Variants in WRN observed in about 807,000 individuals in gnomAD.
WRN encodes bifunctional 3'-5' exonuclease/ATP-dependent helicase WRN.
In WRN, 149 loss-of-function variants were observed where a neutral mutation model predicts 180.7. The observed-to-expected ratio is 0.82, with a 90% confidence interval of 0.72 to 0.94. The LOEUF (loss-of-function observed/expected upper bound fraction) is 0.94, where lower values mean the gene tolerates loss of function less well. Among genes scored for constraint, WRN ranks in the 40% least tolerant of loss-of-function variants. The pLI, the probability that WRN is intolerant of heterozygous loss-of-function variation, is 0.00. For missense variants in WRN, 1,661 were observed against 1,700.1 expected, an observed-to-expected ratio of 0.98 and a Z score of 0.40; for synonymous variants, 548 against 568.9, an observed-to-expected ratio of 0.96 and a Z score of 0.52.
chr8:31,043,078 G>A (rs2129925081), intron 1 of WRN, among the ~76,000 whole-genome samples: 1 of 152,294 alleles, frequency 6.6e-6, no homozygotes, highest in East Asian at 1.9e-4. Context: ...AGACATCTGA[G>A]GTAGAGTGGC....
At chr8:31,047,740 C>T (rs1172506562) in intron 1 of WRN, among the ~76,000 whole-genome samples, 1 of 152,166 alleles carries the variant, frequency 6.6e-6, no homozygotes, top group Non-Finnish European at 1.5e-5. Flanking sequence ...TTTAAATTGA[C>T]TTACTTGAAA....
intron 29 of WRN, 44 bp from the exon 30 acceptor site, chr8:31,147,320 T>C: frequency 1.9e-6 from 3 of 1,584,080 alleles, no homozygotes; most frequent in Non-Finnish European, 2.6e-6. Flanking sequence ...ACTAGATCTT[T>C]TAAGTACACT....
intron 21 of WRN, among the ~76,000 whole-genome samples, chr8:31,121,625 A>G (rs573194651): frequency 6.6e-6 from 1 of 152,098 alleles, no homozygotes; most frequent in Non-Finnish European, 1.5e-5. Flanking sequence ...AATTGCACTG[A>G]GTAGTAAGAA....
At chr8:31,145,415 G>GAC (rs1382423452) in intron 28 of WRN, among the ~76,000 whole-genome samples, 1 of 152,136 alleles carries the variant, frequency 6.6e-6, no homozygotes, top group East Asian at 1.9e-4. Context: ...ACAAAGTCTT[G>GAC]ATGATACCTG....
intron 30 of WRN, among the ~76,000 whole-genome samples, chr8:31,148,159 T>C (rs1802941968): frequency 6.6e-6 from 1 of 152,188 alleles, no homozygotes; most frequent in Non-Finnish European, 1.5e-5. Flanking sequence ...GTTCTGGCAC[T>C]ACAGGTGTGA....
intron 3 of WRN, among the ~76,000 whole-genome samples, chr8:31,063,623 A>G (rs897215568): frequency 1.3e-5 from 2 of 152,218 alleles, no homozygotes; most frequent in Non-Finnish European, 2.9e-5. Flanking sequence ...ATTTTTACCA[A>G]TCAGATAGAT....
chr8:31,109,965 T>G (rs1367671845), intron 18 of WRN, among the ~76,000 whole-genome samples: 1 of 152,234 alleles, frequency 6.6e-6, no homozygotes, highest in African/African-American at 2.4e-5. Flanking sequence ...TGCTCACTTA[T>G]ACATTATATT....
chr8:31,076,796 G>C (rs73228687), intron 8 of WRN, among the ~76,000 whole-genome samples: 2 of 151,974 alleles, frequency 1.3e-5, no homozygotes, highest in East Asian at 3.9e-4. Flanking sequence ...AGAACAAAAG[G>C]CATTCCAATT....
intron 3 of WRN, among the ~76,000 whole-genome samples, chr8:31,060,020 C>T (rs970821796): frequency 6.6e-6 from 1 of 151,756 alleles, no homozygotes; most frequent in Non-Finnish European, 1.5e-5. Context: ...TGCATCACTG[C>T]ACTCCAGCCT....
intron 18 of WRN, among the ~76,000 whole-genome samples, chr8:31,108,039 G>A (rs958716382): frequency 2.6e-5 from 4 of 152,168 alleles, no homozygotes; most frequent in Non-Finnish European, 5.9e-5. Context: ...TTAGAAGCAG[G>A]TGGGATACTT....
intron 16 of WRN, among the ~76,000 whole-genome samples, chr8:31,092,373 A>G (rs959195868): frequency 6.6e-6 from 1 of 151,784 alleles, no homozygotes; most frequent in Non-Finnish European, 1.5e-5. Flanking sequence ...CTCTTGCCCA[A>G]CCAATTCTAT....
Position 31,080,999 on chromosome 8 carries a change from T to C in WRN, c.972T>C (p.Thr324=). The stretch of plus-strand genomic sequence containing the variant: ...ACTTATTATCCTTTGAAGATTCAAC[T>C]ACTGGGGGAGTACAACAGAAACAAA... The part of the protein sequence containing the change: ...NLNLLSFEDS[T]TGGVQQKQIR... The change falls in exon 9 of 35, where the codon ACT becomes ACC. Residue 324 remains threonine, a synonymous_variant. Transcript: ENST00000298139. 6.2e-7 allele frequency: 1 copy of C among 1,614,062 alleles called. No individual in the cohort carries two copies. The highest frequency in any genetic ancestry group is 8.5e-7 in the Non-Finnish European group (1 of 1,179,966).
At chr8:31,047,610 G>A (rs998652269) in intron 1 of WRN, among the ~76,000 whole-genome samples, 5 of 152,088 alleles carry the variant, frequency 3.3e-5, no homozygotes, top group Admixed American at 1.3e-4. Flanking sequence ...AGGGTGGAAC[G>A]GATGCTAGCA....
chr8:31,089,142 C>A (rs1027467879), intron 13 of WRN, among the ~76,000 whole-genome samples, 177 bp downstream of exon 13: 14 of 152,066 alleles, frequency 9.2e-5, no homozygotes, highest in Non-Finnish European at 1.9e-4. Flanking sequence ...ATATAAAATT[C>A]ATTTCTGCAA....
Position 31,096,852 on chromosome 8 carries a change from T to G in WRN, c.1981+2T>G. 1 of 1,612,626 alleles carries G rather than the reference T, an allele frequency of 6.2e-7. No homozygotes were observed. Among genetic ancestry groups the G allele is most frequent in the Non-Finnish European group, 8.5e-7 (1 of 1,178,916 alleles). The stretch of plus-strand genomic sequence containing the variant: ...TCCAGCAACTTGAGGCTGATATTGG[T>G]AAGTGATAAAGAAAGATCTCTGTAA... On this transcript the variant is annotated splice_donor_variant, in intron 17 of 34. Transcript: ENST00000298139. LOFTEE classifies it high-confidence loss of function.
At chr8:31,076,419 C>G (rs551158146) in intron 8 of WRN, 132 bp downstream of exon 8, 1 of 712,002 alleles carries the variant, frequency 1.4e-6, no homozygotes, top group African/African-American at 1.8e-5. Context: ...CACACACAGA[C>G]TGATGCATAA....
chr8:31,036,010 C>T (rs61026930), intron 1 of WRN, among the ~76,000 whole-genome samples: 2,770 of 152,280 alleles, frequency 0.018, 65 homozygotes, highest in African/African-American at 0.064. Context: ...AGCCTCTCTT[C>T]ATTCCCACCA....
chr8:31,143,641 T>C lies in WRN; in HGVS notation c.3383+18T>C, dbSNP rs772913485. 2 of 1,527,002 alleles carry C rather than the reference T, an allele frequency of 1.3e-6. No individual in the cohort carries two copies. Among genetic ancestry groups the C allele is most frequent in the Non-Finnish European group, 1.8e-6 (2 of 1,102,758 alleles). 94.6% of individuals were successfully genotyped at this position (1,527,002 alleles called of 1,614,324 possible). ...AAAAAAAGGTACAGAGTTCCATATT[T>C]CTATGTTCTATACTTGCTTTATGAG... is the stretch of plus-strand genomic sequence containing the variant. On this transcript the variant is annotated intron_variant, in intron 28 of 34. Transcript: ENST00000298139.
At chr8:31,108,595 G>A (rs775239422) in intron 18 of WRN, among the ~76,000 whole-genome samples, 1 of 151,870 alleles carries the variant, frequency 6.6e-6, no homozygotes, top group Non-Finnish European at 1.5e-5. Context: ...AAGATTATAA[G>A]TCTGGTTATA....
Sources: allele counts gnomAD v4.1 joint callset (sites outside exome capture counted in the v4.1 genomes callset), GRCh38; gene constraint gnomAD v4.1.1; transcripts MANE v1.5; gene names NCBI Gene and HGNC (gene_info 2026-07-23, HGNC 2026-07-21).